The following ATP2B4 variants were observed in gnomAD, a reference collection of about 807,000 sequenced individuals.
ATP2B4 encodes the protein ATPase plasma membrane Ca2+ transporting 4, also known as plasma membrane calcium-transporting ATPase 4.
In ATP2B4, 39 loss-of-function variants were observed where a neutral mutation model predicts 110.3. The observed-to-expected ratio is 0.35, with a 90% CI of 0.27 to 0.46. The LOEUF is 0.46. Ranked by LOEUF, ATP2B4 falls within the 20% of genes least tolerant of loss-of-function variation. The pLI is 1.00. For missense variants in ATP2B4, 1,135 were observed against 1,530.9 expected, an observed-to-expected ratio of 0.74 and a Z score of 4.32; for synonymous variants, 538 against 571.7, an observed-to-expected ratio of 0.94 and a Z score of 0.84.
chr1:203,722,905 T>G (rs965409121), intron 18 of ATP2B4, among the ~76,000 whole-genome samples: 2 of 152,256 alleles, frequency 1.3e-5, no homozygotes, highest in Non-Finnish European at 2.9e-5. Flanking sequence ...GGGCAGCATG[T>G]TGACTGGAAA....
At chr1:203,707,422 A>C (rs925112285) in intron 9 of ATP2B4, among the ~76,000 whole-genome samples, 199 bp downstream of exon 9, 2 of 152,050 alleles carry the variant, frequency 1.3e-5, no homozygotes, top group African/African-American at 4.8e-5. Context: ...GCAGAATCTT[A>C]AGAGAATGAC....
chr1:203,637,728 A>C (rs958295241), intron 1 of ATP2B4, among the ~76,000 whole-genome samples: 2 of 152,248 alleles, frequency 1.3e-5, no homozygotes, highest in Non-Finnish European at 2.9e-5. Context: ...TTCTAGCATT[A>C]GCCTTCCTGG....
At chr1:203,668,895 G>A (rs947392725) in intron 1 of ATP2B4, among the ~76,000 whole-genome samples, 3 of 152,152 alleles carry the variant, frequency 2.0e-5, no homozygotes, top group African/African-American at 7.2e-5. Flanking sequence ...TTGGGGAGAA[G>A]GAGGTAGGGG....
chr1:203,680,465 C>T (rs894372518), intron 1 of ATP2B4, among the ~76,000 whole-genome samples: 36 of 151,902 alleles, frequency 2.4e-4, no homozygotes, highest in African/African-American at 8.7e-4. Flanking sequence ...AAAAATTAGC[C>T]GGGTGTGGTG....
intron 16 of ATP2B4, 99 bp downstream of exon 16, chr1:203,720,839 C>T (rs979019761): frequency 1.2e-5 from 17 of 1,366,482 alleles, no homozygotes; most frequent in Non-Finnish European, 1.6e-5. Flanking sequence ...GTAAAGACAG[C>T]GTTTCCCCAT....
intron 1 of ATP2B4, among the ~76,000 whole-genome samples, chr1:203,639,337 T>C (rs1490522645): frequency 6.6e-6 from 1 of 152,174 alleles, no homozygotes; most frequent in African/African-American, 2.4e-5. Flanking sequence ...ACAGACCATA[T>C]GCCAAGCACT....
At chr1:203,714,968 A>G (rs1666118501) in intron 15 of ATP2B4, among the ~76,000 whole-genome samples, 1 of 152,204 alleles carries the variant, frequency 6.6e-6, no homozygotes, top group Non-Finnish European at 1.5e-5. Flanking sequence ...ATGCAAAAAT[A>G]GGGAGAATTG....
intron 18 of ATP2B4, among the ~76,000 whole-genome samples, chr1:203,723,452 C>A: frequency 7.2e-6 from 1 of 138,512 alleles, no homozygotes. Flanking sequence ...CTCTCTCTCT[C>A]TCTCTCTCCC....
chr1:203,644,052 C>A (rs1397749632), intron 1 of ATP2B4, among the ~76,000 whole-genome samples: 1 of 152,018 alleles, frequency 6.6e-6, no homozygotes, highest in Non-Finnish European at 1.5e-5. Context: ...GGGTTCGAGG[C>A]CAGCTTGGCC....
chr1:203,688,663 G>A (rs1313884127), intron 2 of ATP2B4, among the ~76,000 whole-genome samples: 8 of 152,136 alleles, frequency 5.3e-5, no homozygotes, highest in Admixed American at 5.2e-4. Context: ...GTTAGAGTAA[G>A]AGGAGTTGCC....
At chr1:203,706,266 G>A (rs1439003551) in intron 8 of ATP2B4, among the ~76,000 whole-genome samples, 1 of 152,164 alleles carries the variant, frequency 6.6e-6, no homozygotes, top group Non-Finnish European at 1.5e-5. Context: ...AAACTGTTCA[G>A]TAGTCTCAGG....
At chr1:203,714,538 CAT>C (rs1345368886) in intron 15 of ATP2B4, among the ~76,000 whole-genome samples, 2 of 152,176 alleles carry the variant, frequency 1.3e-5, no homozygotes, top group Non-Finnish European at 2.9e-5. Flanking sequence ...TGCCTATAAA[CAT>C]GTGAGGTTGT....
At chr1:203,655,330 A>G (rs1338562441) in intron 1 of ATP2B4, among the ~76,000 whole-genome samples, 2 of 136,452 alleles carry the variant, frequency 1.5e-5, no homozygotes, top group Non-Finnish European at 3.1e-5. Flanking sequence ...ATGCTGTCAA[A>G]TATCAGTCCT....
chr1:203,728,782 G>A (rs752002477), intron 20 of ATP2B4, among the ~76,000 whole-genome samples: 4 of 151,152 alleles, frequency 2.6e-5, no homozygotes, highest in East Asian at 2.0e-4. Context: ...ACTTGAACCC[G>A]GGAGGCAGAG....
intron 7 of ATP2B4, 34 bp from the exon 8 acceptor site, chr1:203,703,618 C>T (rs1665759105): frequency 2.5e-6 from 4 of 1,603,522 alleles, no homozygotes; most frequent in Non-Finnish European, 3.4e-6. Flanking sequence ...ACCACCTTGC[C>T]TGCTCACCTG....
At chr1:203,734,240 T>A (rs753641970) in intron 20 of ATP2B4, among the ~76,000 whole-genome samples, 1 of 150,730 alleles carries the variant, frequency 6.6e-6, no homozygotes, top group Non-Finnish European at 1.5e-5. Context: ...GAGGCGGAGG[T>A]TACAGTGAGC....
intron 1 of ATP2B4, among the ~76,000 whole-genome samples, chr1:203,637,451 A>AT (rs1167985611): frequency 2.0e-5 from 3 of 151,848 alleles, no homozygotes; most frequent in African/African-American, 7.3e-5. Context: ...AAAAAAAAAA[A>AT]AAAGCCAATA....
At chr1:203,631,954 C>G (rs868689578) in intron 1 of ATP2B4, among the ~76,000 whole-genome samples, 1 of 152,056 alleles carries the variant, frequency 6.6e-6, no homozygotes, top group African/African-American at 2.4e-5. Context: ...GCCACCACAC[C>G]GGCTAATTTT....
At chr1:203,641,179 G>A (rs1358459855) in intron 1 of ATP2B4, among the ~76,000 whole-genome samples, 2 of 152,184 alleles carry the variant, frequency 1.3e-5, no homozygotes, top group African/African-American at 4.8e-5. Context: ...CACAAGCACA[G>A]GACCCATTGT....
Sources: allele counts gnomAD v4.1 joint callset (sites outside exome capture counted in the v4.1 genomes callset), GRCh38; gene constraint gnomAD v4.1.1; transcripts MANE v1.5; gene names NCBI Gene and HGNC (gene_info 2026-07-23, HGNC 2026-07-21).